RAB3GAP2: variants seen among roughly 807,000 people sequenced by gnomAD.
RAB3GAP2 encodes rab3 GTPase-activating protein non-catalytic subunit.
Under a neutral mutation model 185.3 loss-of-function variants are expected in RAB3GAP2, and 87 were observed. The ratio of observed to expected loss-of-function variants is 0.47; its 90% CI spans 0.39 to 0.56. The LOEUF (loss-of-function observed/expected upper bound fraction) is 0.56, where lower values mean the gene tolerates loss of function less well. Among genes scored for constraint, RAB3GAP2 ranks in the 20% least tolerant of loss-of-function variants. RAB3GAP2 has a pLI of 0.00. For synonymous variants in RAB3GAP2, 554 were observed against 576.1 expected (o/e 0.96, Z 0.55); for missense variants, 1,492 against 1,638.2 (o/e 0.91, Z 1.54).
intron 2 of RAB3GAP2, among the ~76,000 whole-genome samples, chr1:220,224,962 T>A (rs1160888468): frequency 6.6e-6 from 1 of 152,030 alleles, no homozygotes; most frequent in Admixed American, 6.6e-5. Flanking sequence ...GGTCCCAGGC[T>A]CCCTTTCCCC....
At chr1:220,261,491 C>A (rs1660136399) in intron 1 of RAB3GAP2, among the ~76,000 whole-genome samples, 1 of 152,222 alleles carries the variant, frequency 6.6e-6, no homozygotes, top group South Asian at 2.1e-4. Flanking sequence ...TTCCACTTTA[C>A]CCATCACTCC....
chr1:220,233,272 C>T (rs1269313794), intron 1 of RAB3GAP2, among the ~76,000 whole-genome samples: 3 of 152,142 alleles, frequency 2.0e-5, no homozygotes, highest in Non-Finnish European at 4.4e-5. Flanking sequence ...TCACAGATGT[C>T]TTAAAAAAGT....
At chr1:220,236,245 C>T (rs1406158564) in intron 1 of RAB3GAP2, among the ~76,000 whole-genome samples, 18 of 152,096 alleles carry the variant, frequency 1.2e-4, no homozygotes, top group Non-Finnish European at 2.2e-4. Flanking sequence ...GGTGCCATCT[C>T]GGTTCACTGC....
Position 220,184,125 on chromosome 1 carries a change from C to G in RAB3GAP2, c.1909G>C (p.Ala637Pro). 1 of 1,610,784 alleles carries G rather than the reference C, an allele frequency of 6.2e-7. No homozygotes were observed. The highest frequency in any genetic ancestry group is 8.5e-7 in the Non-Finnish European group (1 of 1,177,394). ...SVDEGLLQFCANKLKLLQLYE... is the reference protein window; with the variant it reads ...SVDEGLLQFCPNKLKLLQLYE... ...AGTTGCAGCAGTTTTAGTTTATTGG[C>G]ACAAAACTGTAGCAATCCTTCATCA... The change falls in exon 19 of 35, where the codon GCC (alanine) becomes CCC (proline). Residue 637 changes from alanine (A) to proline (P), a missense_variant. Ala to Pro is a conservative substitution (Grantham distance 27). Transcript: ENST00000358951.
chr1:220,189,668 A>T, intron 17 of RAB3GAP2, 35 bp downstream of exon 17: 2 of 1,538,574 alleles, frequency 1.3e-6, no homozygotes, highest in Non-Finnish European at 1.8e-6. Context: ...TATTATAGCT[A>T]CTAGCAGGAA....
Position 220,164,723 on chromosome 1 carries a change from G to A in RAB3GAP2, c.3154+10C>T. 6.2e-7 allele frequency: 1 copy of A among 1,600,056 alleles called. No homozygotes were observed. Among genetic ancestry groups the A allele is most frequent in the Non-Finnish European group, 8.5e-7 (1 of 1,171,178 alleles). On this transcript the variant is annotated intron_variant, in intron 27 of 34. Transcript: ENST00000358951. Reference sequence around the variant, plus strand: ...TCAAACAGTGATGTTTCTAACATCTGTTTACTTACCATTTTGAACATGTGC... The same window carrying A: ...TCAAACAGTGATGTTTCTAACATCTATTTACTTACCATTTTGAACATGTGC...
At position 220,149,783 on chromosome 1, in the gene RAB3GAP2, T is replaced by TAACA. The variant is rs1269956590; in HGVS notation, c.*1464_*1467dup. On this transcript the variant is annotated 3_prime_UTR_variant, in exon 35 of 35. Transcript: ENST00000358951. ...TAAGATTTCAAGTTTGATAGTTACT[T>TAACA]AACAGTAATTACTAAATTTTAGCCA... The TAACA allele has an allele frequency of 3.9e-5, 6 of 152,224 alleles. No homozygotes were observed. Among genetic ancestry groups the TAACA allele is most frequent in the African/African-American group, 1.4e-4 (6 of 41,442 alleles). The allele number at this position is 152,224 out of a possible 1,614,324, so 9.4% of individuals were successfully genotyped here.
chr1:220,241,308 TA>T (rs1346534541), intron 1 of RAB3GAP2, among the ~76,000 whole-genome samples: 22 of 152,238 alleles, frequency 1.4e-4, no homozygotes, highest in African/African-American at 5.3e-4. Flanking sequence ...CTTTTTCCAA[TA>T]TGAGTATGTC....
intron 1 of RAB3GAP2, chr1:220,266,596 G>C (rs1430016273): frequency 2.1e-6 from 2 of 966,572 alleles, no homozygotes; most frequent in African/African-American, 3.2e-5. Flanking sequence ...ATTTCTTTTA[G>C]TGTTCTAGAT....
chr1:220,244,681 C>T (rs1659763494), intron 1 of RAB3GAP2, among the ~76,000 whole-genome samples: 1 of 152,154 alleles, frequency 6.6e-6, no homozygotes, highest in African/African-American at 2.4e-5. Flanking sequence ...GTTACCCAAA[C>T]AGCATGGTAC....
chr1:220,174,417 G>A (rs1471667358), intron 21 of RAB3GAP2, among the ~76,000 whole-genome samples: 1 of 152,072 alleles, frequency 6.6e-6, no homozygotes, highest in Non-Finnish European at 1.5e-5. Context: ...ATAGTAGGTA[G>A]GTGTATATTT....
intron 9 of RAB3GAP2, chr1:220,200,487 A>G: frequency 2.2e-6 from 1 of 459,232 alleles, no homozygotes; most frequent in South Asian, 1.7e-5. Flanking sequence ...TGTTGAATAA[A>G]TTAACCAGAC....
chr1:220,215,479 A>ATACTTAAGAAAATTTCTCATT (rs1659174155), intron 2 of RAB3GAP2, among the ~76,000 whole-genome samples: 1 of 152,122 alleles, frequency 6.6e-6, no homozygotes, highest in Non-Finnish European at 1.5e-5. Flanking sequence ...ATTTTCTCAT[A>ATACTTAAGAAAATTTCTCATT]TACTTAAGAA....
chr1:220,182,991 C>A, intron 19 of RAB3GAP2, 60 bp from the exon 20 acceptor site: 2 of 1,419,196 alleles, frequency 1.4e-6, no homozygotes, highest in Non-Finnish European at 9.9e-7. Flanking sequence ...ATTATCTGAA[C>A]TGAAATTCAA....
intron 1 of RAB3GAP2, chr1:220,253,864 T>C: frequency 2.5e-6 from 4 of 1,612,922 alleles, no homozygotes; most frequent in South Asian, 2.2e-5. Flanking sequence ...AAAGAAGACA[T>C]CTGGTCTGCA....
At chr1:220,190,229 T>C in intron 15 of RAB3GAP2, 83 bp from the exon 16 acceptor site, 1 of 1,504,186 alleles carries the variant, frequency 6.6e-7, no homozygotes, top group South Asian at 1.2e-5. Context: ...TTTTTTTTCC[T>C]TTATATATTT....
At chr1:220,203,943 T>G (rs1260133015) in intron 8 of RAB3GAP2, among the ~76,000 whole-genome samples, 1 of 152,130 alleles carries the variant, frequency 6.6e-6, no homozygotes, top group Non-Finnish European at 1.5e-5. Context: ...GATCCCAATT[T>G]TACAGTTGTT....
intron 1 of RAB3GAP2, chr1:220,254,252 T>A (rs1323694165): frequency 7.4e-6 from 12 of 1,613,462 alleles, no homozygotes; most frequent in Admixed American, 1.7e-5. Flanking sequence ...TTCAACGTAA[T>A]GTTGGGTACC....
chr1:220,187,994 T>C (rs549409921), intron 17 of RAB3GAP2, among the ~76,000 whole-genome samples: 59 of 151,872 alleles, frequency 3.9e-4, no homozygotes, highest in African/African-American at 1.4e-3. Flanking sequence ...TAACCTGTCG[T>C]GATGATCTCA....
Sources: allele counts gnomAD v4.1 joint callset (sites outside exome capture counted in the v4.1 genomes callset), GRCh38; gene constraint gnomAD v4.1.1; transcripts MANE v1.5; gene names NCBI Gene and HGNC (gene_info 2026-07-23, HGNC 2026-07-21).